Variants in ZFHX3 observed in about 807,000 individuals in gnomAD.
ZFHX3 encodes the protein zinc finger homeobox protein 3.
In ZFHX3, 42 loss-of-function variants were observed where a neutral mutation model predicts 279.1. The ratio of observed to expected loss-of-function variants is 0.15; its 90% confidence interval spans 0.12 to 0.19. The LOEUF (loss-of-function observed/expected upper bound fraction) is 0.19. Among genes scored for constraint, ZFHX3 ranks in the 10% least tolerant of loss-of-function variants. ZFHX3 has a pLI of 1.00. For synonymous variants in ZFHX3, 2,293 were observed against 1,957.8 expected, an observed-to-expected ratio of 1.17 and a Z score of -4.52; for missense variants, 4,981 against 4,754.0, an observed-to-expected ratio of 1.05 and a Z score of -1.40.
intron 3 of ZFHX3, among the ~76,000 whole-genome samples, chr16:73,319,541 C>T (rs1225893387): frequency 1.3e-5 from 2 of 151,540 alleles, no homozygotes; most frequent in Non-Finnish European, 2.9e-5. Context: ...CTGGGGGAAG[C>T]TAAGAAGAAA....
chr16:72,955,330 A>G (rs1961201800), intron 2 of ZFHX3, among the ~76,000 whole-genome samples: 1 of 152,214 alleles, frequency 6.6e-6, no homozygotes, highest in Non-Finnish European at 1.5e-5. Context: ...TGTGTCTACA[A>G]CACAGGGCTT....
At chr16:73,848,050 C>T (rs895668403) in intron 1 of ZFHX3, among the ~76,000 whole-genome samples, 8 of 151,766 alleles carry the variant, frequency 5.3e-5, no homozygotes, top group African/African-American at 9.7e-5. Flanking sequence ...TGAGCCACCG[C>T]GCCCGGCCAA....
chr16:73,754,504 C>T (rs1240914302), intron 1 of ZFHX3, among the ~76,000 whole-genome samples: 1 of 152,022 alleles, frequency 6.6e-6, no homozygotes, highest in African/African-American at 2.4e-5. Flanking sequence ...TGGTTTTCCA[C>T]CGTCCTTGGG....
At chr16:73,550,747 G>T (rs541693535) in intron 2 of ZFHX3, among the ~76,000 whole-genome samples, 8 of 152,202 alleles carry the variant, frequency 5.3e-5, no homozygotes, top group Non-Finnish European at 7.4e-5. Flanking sequence ...AGAACAAAAA[G>T]AATTCCTTAT....
At chr16:73,495,489 G>A (rs1170030482) in intron 2 of ZFHX3, among the ~76,000 whole-genome samples, 1 of 152,190 alleles carries the variant, frequency 6.6e-6, no homozygotes, top group African/African-American at 2.4e-5. Context: ...GTTCTGGTCT[G>A]CTAAGCTAGC....
At position 73,425,859 on chromosome 16, in the gene ZFHX3, A is replaced by G. The variant is rs2017800977; in HGVS notation, c.-1291+30144T>C. Among the ~76,000 whole-genome samples, 9 of 152,282 alleles carry G rather than the reference A, an allele frequency of 5.9e-5. No individual in the cohort carries two copies. In the South Asian group the frequency reaches 1.9e-3, roughly 32 times the overall value. On this transcript the variant is annotated intron_variant, in intron 3 of 17. Coordinates refer to the ZFHX3 transcript ENST00000641206. Reference sequence around the variant, plus strand: ...AACCACTACCAGATTAAGGGACCATATCTTGTTCACTCTTGGAACACAGTA... The same window carrying G: ...AACCACTACCAGATTAAGGGACCATGTCTTGTTCACTCTTGGAACACAGTA...
At chr16:73,712,956 G>A (rs912442772) in intron 1 of ZFHX3, among the ~76,000 whole-genome samples, 3 of 152,170 alleles carry the variant, frequency 2.0e-5, no homozygotes, top group South Asian at 4.1e-4. Flanking sequence ...TGGGGGCTCC[G>A]CATTGCTCAG....
intron 4 of ZFHX3, among the ~76,000 whole-genome samples, chr16:72,872,049 C>A (rs2038174769): frequency 6.6e-6 from 1 of 151,760 alleles, no homozygotes; most frequent in Non-Finnish European, 1.5e-5. Context: ...CCTGCCACCG[C>A]ACTTGCACTC....
intron 3 of ZFHX3, among the ~76,000 whole-genome samples, chr16:73,427,773 A>C (rs2017837602): frequency 6.9e-6 from 1 of 145,880 alleles, no homozygotes; most frequent in African/African-American, 2.5e-5. Context: ...GTCTCTACTA[A>C]AAAAAAAAAA....
At chr16:73,499,488 T>C (rs983649628) in intron 2 of ZFHX3, 2 of 152,208 alleles carry the variant, frequency 1.3e-5, no homozygotes, top group Non-Finnish European at 2.9e-5. Context: ...GAACACCGGA[T>C]CTTTCCAAGT....
At position 73,487,336 on chromosome 16, in the gene ZFHX3, A is replaced by G. The variant is rs866249450; in HGVS notation, c.-1546-31078T>C. On this transcript the variant is annotated intron_variant, in intron 2 of 17. Transcript: ENST00000641206. ...AGTTACTCAAATGTCTTCTGAACCC[A>G]TCTCAGGAGGACTCTTACTAAGGTC... 4 of 347,014 alleles carry G rather than the reference A, an allele frequency of 1.2e-5. No homozygotes were observed. The Middle Eastern group carries it at 1.2e-3, about 102-fold the overall frequency. 21.5% of individuals were successfully genotyped at this position (347,014 alleles called of 1,614,324 possible).
chr16:73,027,099 A>T (rs1304691813), intron 1 of ZFHX3, among the ~76,000 whole-genome samples: 2 of 152,240 alleles, frequency 1.3e-5, no homozygotes, highest in Non-Finnish European at 2.9e-5. Context: ...ACAAATATAA[A>T]TGTCACATAT....
chr16:73,150,362 T>C (rs1280983736), intron 5 of ZFHX3, among the ~76,000 whole-genome samples: 1 of 152,130 alleles, frequency 6.6e-6, no homozygotes, highest in African/African-American at 2.4e-5. Context: ...GTTCAAGTCC[T>C]GCTCCTGCCC....
Position 73,358,506 on chromosome 16 carries a change from G to A in ZFHX3, c.-1290-40170C>T, listed in dbSNP as rs80049963. On this transcript the variant is annotated intron_variant, in intron 3 of 17. Coordinates refer to the ZFHX3 transcript ENST00000641206. Reference sequence around the variant, plus strand: ...TTCCCCATTCAAACCTTGAGATGATGGCGGCCCTGGCTGACACCAAATGTA... The same window carrying A: ...TTCCCCATTCAAACCTTGAGATGATAGCGGCCCTGGCTGACACCAAATGTA... 1.5e-4 allele frequency among the ~76,000 whole-genome samples: 23 copies of A among 152,320 alleles called. No homozygotes were observed. The East Asian group carries it at 4.1e-3, about 27-fold the overall frequency.
At chr16:73,548,429 T>C (rs959133503) in intron 2 of ZFHX3, among the ~76,000 whole-genome samples, 1 of 152,094 alleles carries the variant, frequency 6.6e-6, no homozygotes, top group Non-Finnish European at 1.5e-5. Context: ...TGCTTTTAAA[T>C]TTGTTAAGCT....
intron 2 of ZFHX3, among the ~76,000 whole-genome samples, chr16:73,486,565 G>A (rs1032991662): frequency 6.6e-6 from 1 of 152,156 alleles, no homozygotes; most frequent in African/African-American, 2.4e-5. Flanking sequence ...TGCCTTCGAG[G>A]AATACCTATC....
intron 4 of ZFHX3, among the ~76,000 whole-genome samples, chr16:72,858,518 G>C (rs2037807646): frequency 6.6e-6 from 1 of 152,192 alleles, no homozygotes; most frequent in Non-Finnish European, 1.5e-5. Flanking sequence ...AAATGGATCT[G>C]GTGCTTTTAT....
intron 3 of ZFHX3, among the ~76,000 whole-genome samples, chr16:73,355,395 C>A (rs1210674625): frequency 6.6e-6 from 1 of 152,024 alleles, no homozygotes; most frequent in Non-Finnish European, 1.5e-5. Context: ...AGATCCTGTC[C>A]CCTTGATTTG....
chr16:73,860,908 G>A (rs563988180), intron 1 of ZFHX3, among the ~76,000 whole-genome samples: 2 of 152,230 alleles, frequency 1.3e-5, no homozygotes, highest in East Asian at 3.9e-4. Flanking sequence ...TATATGGGGA[G>A]GGGAGGTAAT....
Sources: allele counts gnomAD v4.1 joint callset (sites outside exome capture counted in the v4.1 genomes callset), GRCh38; gene constraint gnomAD v4.1.1; transcripts MANE v1.5; gene names NCBI Gene and HGNC (gene_info 2026-07-23, HGNC 2026-07-21).